CABLES1: variants seen among roughly 807,000 people sequenced by gnomAD.
The protein encoded by CABLES1 is CDK5 and ABL1 enzyme substrate 1.
CABLES1 carries 36 observed loss-of-function variants against 57.8 expected under a neutral mutation model. The observed-to-expected ratio is 0.62, with a 90% confidence interval of 0.48 to 0.82. CABLES1 has a LOEUF of 0.82. Ranked by LOEUF, CABLES1 falls within the 40% of genes least tolerant of loss-of-function variation. The probability of loss-of-function intolerance (pLI) is 0.00; values close to 1 mark genes in which losing one functional copy is unlikely to be tolerated. For synonymous variants in CABLES1, 374 were observed against 363.0 expected, an observed-to-expected ratio of 1.03 and a Z score of -0.35; for missense variants, 767 against 836.6, an observed-to-expected ratio of 0.92 and a Z score of 1.03.
chr18:23,244,396 G>C (rs960758616), intron 7 of CABLES1, among the ~76,000 whole-genome samples: 3 of 152,224 alleles, frequency 2.0e-5, no homozygotes, highest in African/African-American at 7.2e-5. Context: ...TCCAGGATTC[G>C]GTATTTTGAA....
At chr18:23,174,055 A>T (rs558800954) in intron 1 of CABLES1, among the ~76,000 whole-genome samples, 1 of 152,140 alleles carries the variant, frequency 6.6e-6, no homozygotes, top group Non-Finnish European at 1.5e-5. Context: ...ATTTTAGAAC[A>T]TTTTCCTCAC....
intron 1 of CABLES1, among the ~76,000 whole-genome samples, chr18:23,138,442 G>A (rs73964440): frequency 0.016 from 2,398 of 152,222 alleles, 75 homozygotes; most frequent in African/African-American, 0.054. Context: ...TGAATAATCC[G>A]TATCTGGCAA....
chr18:23,215,573 CTGAT>C (rs1472292200), intron 4 of CABLES1, among the ~76,000 whole-genome samples: 1 of 152,128 alleles, frequency 6.6e-6, no homozygotes, highest in Non-Finnish European at 1.5e-5. Context: ...GCTGACCTCT[CTGAT>C]TGACACATTC....
At chr18:23,175,957 A>C (rs1598812545) in intron 1 of CABLES1, among the ~76,000 whole-genome samples, 1 of 152,266 alleles carries the variant, frequency 6.6e-6, no homozygotes, top group Admixed American at 6.5e-5. Context: ...AAAAGAATAA[A>C]GTCAACCAAT....
intron 3 of CABLES1, among the ~76,000 whole-genome samples, chr18:23,205,211 G>A (rs12965232): frequency 0.4 from 51,358 of 129,432 alleles, 10,060 homozygotes; most frequent in South Asian, 0.45. Flanking sequence ...TTTTTGAGAC[G>A]GCATCTCCCT....
chr18:23,217,536 T>G lies in CABLES1; in HGVS notation c.1088+3482T>G, dbSNP rs375993039. On this transcript the variant is annotated intron_variant, in intron 4 of 9. Transcript: ENST00000256925. ...AAATATTGTGATGTAGCAGCAGGAT[T>G]AAGAAGCAGAATGCTTTTTAAACTT... Among the ~76,000 whole-genome samples, 8 of 152,348 alleles carry G rather than the reference T, an allele frequency of 5.3e-5. No individual in the cohort carries two copies. The South Asian group carries it at 1.4e-3, about 28-fold the overall frequency.
At chr18:23,153,820 T>G (rs1259449050) in intron 1 of CABLES1, among the ~76,000 whole-genome samples, 1 of 152,088 alleles carries the variant, frequency 6.6e-6, no homozygotes, top group East Asian at 1.9e-4. Flanking sequence ...CACTTGAGAC[T>G]AGGAGTTTGA....
rs1416714650 is a variant in CABLES1, at chr18:23,259,246, G to A, written c.*1879G>A. 6.6e-6 allele frequency: 1 copy of A among 152,044 alleles called. No individual in the cohort carries two copies. The highest frequency in any genetic ancestry group is 1.5e-5 in the Non-Finnish European group (1 of 68,006). 9.4% of individuals were successfully genotyped at this position (152,044 alleles called of 1,614,324 possible). On this transcript the variant is annotated 3_prime_UTR_variant, in exon 10 of 10. Coordinates refer to ENST00000256925, the MANE Select transcript of CABLES1 (RefSeq NM_001100619.3). Reference sequence around the variant, plus strand: ...AGGGGGAGAGCCTTTCTGAGAAGCAGGTCCTGTGGTATCTGAGAATGGTCT... The same window carrying A: ...AGGGGGAGAGCCTTTCTGAGAAGCAAGTCCTGTGGTATCTGAGAATGGTCT...
intron 1 of CABLES1, among the ~76,000 whole-genome samples, chr18:23,167,166 T>G (rs1383790170): frequency 6.6e-6 from 1 of 152,218 alleles, no homozygotes; most frequent in African/African-American, 2.4e-5. Context: ...GCTTTAATAT[T>G]TTTATGTTTG....
chr18:23,191,943 G>T (rs1379247812), intron 2 of CABLES1, among the ~76,000 whole-genome samples: 1 of 79,708 alleles, frequency 1.3e-5, no homozygotes, highest in Non-Finnish European at 2.5e-5. Flanking sequence ...AAAAAAAAAG[G>T]CAACACAACA....
chr18:23,187,719 C>G (rs2047213286), intron 1 of CABLES1, among the ~76,000 whole-genome samples: 1 of 151,766 alleles, frequency 6.6e-6, no homozygotes, highest in African/African-American at 2.4e-5. Flanking sequence ...ATTTGAGCAT[C>G]AAAAAATTAT....
At chr18:23,171,194 T>C (rs1226025857) in intron 1 of CABLES1, among the ~76,000 whole-genome samples, 3 of 152,238 alleles carry the variant, frequency 2.0e-5, no homozygotes, top group African/African-American at 7.2e-5. Context: ...CATGGCCCTA[T>C]CCTGGGTGGG....
intron 1 of CABLES1, among the ~76,000 whole-genome samples, chr18:23,182,019 G>A (rs2047170606): frequency 6.6e-6 from 1 of 152,252 alleles, no homozygotes. Flanking sequence ...GTGGCCCAGC[G>A]TGCAGCCAGG....
At chr18:23,245,324 A>G (rs373399074) in intron 7 of CABLES1, among the ~76,000 whole-genome samples, 1 of 152,146 alleles carries the variant, frequency 6.6e-6, no homozygotes, top group Admixed American at 6.5e-5. Flanking sequence ...CCTAGCCAAC[A>G]TGGCGAAACC....
At position 23,156,009 on chromosome 18, in the gene CABLES1, TC is replaced by T; in HGVS notation, c.845+19408del. 5.6e-6 allele frequency: 9 copies of T among 1,599,660 alleles called. No homozygotes were observed. In the South Asian group the frequency reaches 7.7e-5, roughly 14 times the overall value. On this transcript the variant is annotated intron_variant, in intron 1 of 9. Coordinates refer to ENST00000256925, the MANE Select transcript of CABLES1 (RefSeq NM_001100619.3). ...AGAGAGCTGAGTCTGTTTTTTTGGCTCCCCCCTTTGGATGCTGACGGTCTTT... is the reference window on the plus strand; with the variant it reads ...AGAGAGCTGAGTCTGTTTTTTTGGCTCCCCCTTTGGATGCTGACGGTCTTT...
At position 23,177,538 on chromosome 18, in the gene CABLES1, G is replaced by A. The variant is rs111675649; in HGVS notation, c.846-11300G>A. On this transcript the variant is annotated intron_variant, in intron 1 of 9. Transcript: ENST00000256925. ...CACTTGGCTGTTGGGGTCTCTGTCCGGGTCCTCCTGGAGCCAAGCCTGGCC... is the reference window on the plus strand; with the variant it reads ...CACTTGGCTGTTGGGGTCTCTGTCCAGGTCCTCCTGGAGCCAAGCCTGGCC... 3.2e-4 allele frequency among the ~76,000 whole-genome samples: 49 copies of A among 152,252 alleles called. 1 individual carries two copies. The Middle Eastern group carries it at 0.01, about 32-fold the overall frequency.
At chr18:23,174,859 T>TATATATATA (rs2047111944) in intron 1 of CABLES1, among the ~76,000 whole-genome samples, 1 of 141,748 alleles carries the variant, frequency 7.1e-6, no homozygotes, top group African/African-American at 2.6e-5. Flanking sequence ...TATATATATA[T>TATATATATA]ATGTTTTTTA....
intron 3 of CABLES1, chr18:23,196,732 C>A (rs985557462): frequency 1.2e-4 from 19 of 152,366 alleles, no homozygotes; most frequent in African/African-American, 4.6e-4. Context: ...GTCTCCGATC[C>A]CCCCACCTCA....
rs1305332110 is a variant in CABLES1, at chr18:23,253,727, A to C, written c.1554-2A>C. 1 of 1,613,690 alleles carries C rather than the reference A, an allele frequency of 6.2e-7. No individual in the cohort carries two copies. Among genetic ancestry groups the C allele is most frequent in the East Asian group, 2.2e-5 (1 of 44,882 alleles). ...TGTTCCCTCTTGCCTGTCTTTCTCC[A>C]GTCTGAAACGAGAGATGCGGAAGCT... On this transcript the variant is annotated splice_acceptor_variant, in intron 8 of 9. Transcript: ENST00000256925. LOFTEE classifies it high-confidence loss of function.
Sources: gnomAD v4.1 joint callset for allele counts (sites outside exome capture counted in the v4.1 genomes callset) on GRCh38, gnomAD v4.1.1 for gene constraint, MANE v1.5 for transcripts, NCBI Gene and HGNC (gene_info 2026-07-23, HGNC 2026-07-21) for gene names.